Variants in PRKCQ observed in about 807,000 individuals in gnomAD.
PRKCQ encodes the protein protein kinase C theta type.
Under a neutral mutation model 91.2 loss-of-function variants are expected in PRKCQ, and 41 were observed. The observed-to-expected ratio is 0.45, with a 90% CI of 0.35 to 0.58. The LOEUF (loss-of-function observed/expected upper bound fraction) is 0.58. PRKCQ is among the 20% of genes least tolerant of loss of function. PRKCQ has a pLI of 0.00. For synonymous variants in PRKCQ, 307 were observed against 316.9 expected (o/e 0.97, Z 0.33); for missense variants, 673 against 896.5 (o/e 0.75, Z 3.18).
At chr10:6,485,909 A>T (rs1836888081) in intron 9 of PRKCQ, 126 bp downstream of exon 9, 1 of 754,818 alleles carries the variant, frequency 1.3e-6, no homozygotes, top group Non-Finnish European at 2.2e-6. Context: ...AGCCAAGGGC[A>T]AGGCCGGTGC....
intron 8 of PRKCQ, among the ~76,000 whole-genome samples, chr10:6,488,694 C>T (rs1588746524): frequency 6.6e-6 from 1 of 152,132 alleles, no homozygotes; most frequent in East Asian, 1.9e-4. Flanking sequence ...AACTATTAAC[C>T]ATTACTAGAC....
rs757865845 is a variant in PRKCQ, at chr10:6,464,445, A to G, written c.1354-41T>C. On this transcript the variant is annotated intron_variant, in intron 12 of 17. Transcript: ENST00000263125. ...ACAATTCCAACTTTTATTTCATTTC[A>G]TTTTTATTTATTTATTTTGTCCAAG... 66 of 1,408,094 alleles carry G rather than the reference A, an allele frequency of 4.7e-5. No individual in the cohort carries two copies. The Middle Eastern group carries it at 1.9e-3, about 40-fold the overall frequency. The allele number at this position is 1,408,094 out of a possible 1,614,324, so 87.2% of individuals were successfully genotyped here. A position where few individuals can be genotyped will look rare whatever the true frequency, so the allele number is the denominator to read the frequency against.
intron 1 of PRKCQ, among the ~76,000 whole-genome samples, chr10:6,528,607 C>G (rs1316970504): frequency 6.6e-6 from 1 of 152,240 alleles, no homozygotes; most frequent in African/African-American, 2.4e-5. Context: ...TAAGCACAAG[C>G]ATAGCCAAGA....
At chr10:6,520,932 T>A (rs1391621178) in intron 1 of PRKCQ, among the ~76,000 whole-genome samples, 1 of 152,212 alleles carries the variant, frequency 6.6e-6, no homozygotes, top group Non-Finnish European at 1.5e-5. Flanking sequence ...TCTGGTCTCA[T>A]CTGCAATACA....
At chr10:6,515,293 C>T in intron 1 of PRKCQ, 149 bp from the exon 2 acceptor site, 3 of 1,528,280 alleles carry the variant, frequency 2.0e-6, no homozygotes, top group South Asian at 1.2e-5. Flanking sequence ...TTCACTTCCC[C>T]TTCTGCAGAG....
Position 6,579,837 on chromosome 10 carries a change from ATT to A in PRKCQ, c.-10+372_-10+373del, listed in dbSNP as rs3086770. Reference sequence around the variant, plus strand: ...CTCCAGAAAACATGTTTCCTCACGCATTTTTTTTTTTTTTTTTTACCAAGAAT... The same window carrying A: ...CTCCAGAAAACATGTTTCCTCACGCATTTTTTTTTTTTTTTTACCAAGAAT... On this transcript the variant is annotated intron_variant, in intron 1 of 17. Coordinates refer to ENST00000263125, the MANE Select transcript of PRKCQ (RefSeq NM_006257.5). Among the ~76,000 whole-genome samples, 1,042 of 136,930 alleles carry A rather than the reference ATT, an allele frequency of 7.6e-3. 5 individuals carry two copies. The highest frequency in any genetic ancestry group is 0.019 in the South Asian group (81 of 4,236). 89.8% of individuals were successfully genotyped at this position (136,930 alleles called of 152,430 possible).
At chr10:6,490,883 T>C (rs1249652440) in intron 8 of PRKCQ, among the ~76,000 whole-genome samples, 2 of 142,868 alleles carry the variant, frequency 1.4e-5, no homozygotes, top group Non-Finnish European at 3.1e-5. Flanking sequence ...GCCTTGTCAG[T>C]TCTTGAGGGT....
At chr10:6,533,208 AT>A (rs984578141) in intron 1 of PRKCQ, among the ~76,000 whole-genome samples, 2 of 151,846 alleles carry the variant, frequency 1.3e-5, no homozygotes, top group Non-Finnish European at 2.9e-5. Context: ...TCACTCTTCT[AT>A]TTTTTTGAGA....
chr10:6,479,658 G>A (rs928372839), intron 11 of PRKCQ, among the ~76,000 whole-genome samples: 5 of 151,496 alleles, frequency 3.3e-5, no homozygotes, highest in Admixed American at 6.6e-5. Context: ...GGCCAGGTGC[G>A]GTGGCTCAAG....
chr10:6,453,634 G>T (rs1290494220), intron 15 of PRKCQ, among the ~76,000 whole-genome samples: 3 of 152,126 alleles, frequency 2.0e-5, no homozygotes, highest in African/African-American at 7.2e-5. Context: ...TGTTTGTTGT[G>T]GCACTATTCA....
At chr10:6,453,272 C>T (rs1479829553) in intron 15 of PRKCQ, among the ~76,000 whole-genome samples, 8 of 152,192 alleles carry the variant, frequency 5.3e-5, no homozygotes, top group Non-Finnish European at 1.2e-4. Context: ...TATGAACAGA[C>T]ACTTCTCAAA....
Position 6,494,595 on chromosome 10 carries a change from CTCT to C in PRKCQ, c.660+2437_660+2439del, listed in dbSNP as rs1463849792. Among the ~76,000 whole-genome samples, 4 of 152,206 alleles carry C rather than the reference CTCT, an allele frequency of 2.6e-5. No individual in the cohort carries two copies. In the East Asian group the frequency reaches 5.8e-4, roughly 22 times the overall value. ...CTCAACTGCACAGAACACAACCCACCTCTTCTTCTTCTGGTTTCTGTAACTTCA... is the reference window on the plus strand; with the variant it reads ...CTCAACTGCACAGAACACAACCCACCTCTTCTTCTGGTTTCTGTAACTTCA... On this transcript the variant is annotated intron_variant, in intron 7 of 17. Coordinates refer to ENST00000263125, the MANE Select transcript of PRKCQ (RefSeq NM_006257.5).
chr10:6,502,247 G>A (rs773625984), intron 4 of PRKCQ, among the ~76,000 whole-genome samples: 15 of 152,354 alleles, frequency 9.8e-5, no homozygotes, highest in South Asian at 4.1e-4. Context: ...GGCAGGTGGA[G>A]GTAGGTGAAG....
chr10:6,499,210 A>G (rs760864091), intron 4 of PRKCQ, among the ~76,000 whole-genome samples: 4 of 152,132 alleles, frequency 2.6e-5, no homozygotes, highest in Non-Finnish European at 4.4e-5. Flanking sequence ...AGCTCACTGC[A>G]TTTTTTTGGT....
chr10:6,499,724 TA>T (rs1285202032), intron 4 of PRKCQ, among the ~76,000 whole-genome samples: 1 of 152,258 alleles, frequency 6.6e-6, no homozygotes, highest in Non-Finnish European at 1.5e-5. Context: ...CACAATGAGT[TA>T]ATAATATTCA....
rs542501234 is a variant in PRKCQ, at chr10:6,484,462, A to G, written c.1018+690T>C. Among the ~76,000 whole-genome samples the G allele has an allele frequency of 9.5e-4, 145 of 152,318 alleles. 3 individuals carry two copies. Among genetic ancestry groups the G allele is most frequent in the South Asian group, 6.2e-3 (30 of 4,828 alleles). ...TGCCTATGTTGATCATTGCTAAGAC[A>G]TAGTCTCCTTGACTGCCTGGCAACC... On this transcript the variant is annotated intron_variant, in intron 10 of 17. Coordinates refer to ENST00000263125, the MANE Select transcript of PRKCQ (RefSeq NM_006257.5).
At chr10:6,525,147 TC>T (rs1362471742) in intron 1 of PRKCQ, among the ~76,000 whole-genome samples, 7 of 148,586 alleles carry the variant, frequency 4.7e-5, no homozygotes, top group Non-Finnish European at 9.0e-5. Context: ...TATTTTAAGT[TC>T]TTTTTTTTTT....
At chr10:6,575,574 C>A (rs1564402274) in intron 1 of PRKCQ, among the ~76,000 whole-genome samples, 1 of 152,150 alleles carries the variant, frequency 6.6e-6, no homozygotes, top group Non-Finnish European at 1.5e-5. Flanking sequence ...AGTTGTATTT[C>A]CTCCATTAAT....
In PRKCQ at chr10:6,441,980, A is replaced by G; in HGVS notation, c.1749T>C (p.Asp583=). The change falls in exon 16 of 18, where the codon GAT becomes GAC. Residue 583 remains aspartate (D), a synonymous_variant. Transcript: ENST00000263125. ...GGATGGAGTGGAAGAGCTCCTCCTC[A>G]TCCTGCCCGTGGAAAGGCGACTGAC... is the stretch of plus-strand genomic sequence containing the variant. The part of the protein sequence containing the change: ...LIGQSPFHGQ[D]EEELFHSIRM... 1 of 1,614,100 alleles carries G rather than the reference A, an allele frequency of 6.2e-7. No individual in the cohort carries two copies. Among genetic ancestry groups the G allele is most frequent in the South Asian group, 1.1e-5 (1 of 91,078 alleles).
Sources: allele counts gnomAD v4.1 joint callset (sites outside exome capture counted in the v4.1 genomes callset), GRCh38; gene constraint gnomAD v4.1.1; transcripts MANE v1.5; gene names NCBI Gene and HGNC (gene_info 2026-07-23, HGNC 2026-07-21).